Variants in LCLAT1 observed in about 807,000 individuals in gnomAD.
LCLAT1 encodes 1-AGP acyltransferase 8.
Under a neutral mutation model 30.7 loss-of-function variants are expected in LCLAT1, and 11 were observed. The ratio of observed to expected loss-of-function variants is 0.36; its 90% confidence interval spans 0.23 to 0.59. The LOEUF (loss-of-function observed/expected upper bound fraction) is 0.59. Ranked by LOEUF, LCLAT1 falls within the 20% of genes least tolerant of loss-of-function variation. The probability of loss-of-function intolerance (pLI) is 0.77; values close to 1 mark genes in which losing one functional copy is unlikely to be tolerated. For synonymous variants in LCLAT1, 155 were observed against 151.3 expected, an observed-to-expected ratio of 1.02 and a Z score of -0.18; for missense variants, 402 against 458.6, an observed-to-expected ratio of 0.88 and a Z score of 1.13.
chr2:30,479,692 CTG>C (rs528733064), intron 1 of LCLAT1, among the ~76,000 whole-genome samples: 165 of 152,298 alleles, frequency 1.1e-3, no homozygotes, highest in African/African-American at 3.8e-3. Flanking sequence ...AGGCAATACT[CTG>C]TCTCGATCTG....
At chr2:30,530,989 G>A (rs1685954130) in intron 2 of LCLAT1, among the ~76,000 whole-genome samples, 1 of 152,168 alleles carries the variant, frequency 6.6e-6, no homozygotes, top group African/African-American at 2.4e-5. Context: ...CTCTTGGCCG[G>A]GCACGGTGGC....
chr2:30,466,710 C>G (rs1350480580), intron 1 of LCLAT1, among the ~76,000 whole-genome samples: 1 of 116,340 alleles, frequency 8.6e-6, no homozygotes, highest in Non-Finnish European at 1.9e-5. Context: ...CTACTTAACA[C>G]TGGGTATAGG....
intron 5 of LCLAT1, among the ~76,000 whole-genome samples, chr2:30,639,384 TTA>T (rs1669193085): frequency 3.3e-4 from 1 of 3,072 alleles, no homozygotes; most frequent in South Asian, 3.4e-3. Flanking sequence ...TCTGGCCTGT[TTA>T]AGTGAAAACA....
rs1429374108 is a variant in LCLAT1 at position 30,515,682 on chromosome 2, CT to C, written c.-4-9901del. On this transcript the variant is annotated intron_variant, in intron 1 of 5. Transcript: ENST00000379509. Reference sequence around the variant, plus strand: ...ATTTGTCAATAAAATGTTATATGCCCTTTTAAAACTGCACTTAGTTTTCAAA... The same window carrying C: ...ATTTGTCAATAAAATGTTATATGCCCTTTAAAACTGCACTTAGTTTTCAAA... Among the ~76,000 whole-genome samples the C allele has an allele frequency of 7.2e-5, 11 of 152,284 alleles. No homozygotes were observed. In the East Asian group the frequency reaches 2.1e-3, roughly 29 times the overall value.
chr2:30,589,784 AGTGGTGAACTTTTACCTACTAATCT>A (rs963364577), intron 5 of LCLAT1, among the ~76,000 whole-genome samples: 8 of 152,258 alleles, frequency 5.3e-5, no homozygotes, highest in African/African-American at 1.9e-4. Context: ...TCCAATTATG[AGTGGTGAACTTTTACCTACTAATCT>A]TTTAGTTCGT....
chr2:30,537,208 C>T (rs1200009695), intron 3 of LCLAT1, among the ~76,000 whole-genome samples: 2 of 151,968 alleles, frequency 1.3e-5, no homozygotes, highest in East Asian at 3.9e-4. Flanking sequence ...GGTGAAACCC[C>T]GTCTCTACTA....
chr2:30,553,808 C>T (rs1404492187), intron 3 of LCLAT1, among the ~76,000 whole-genome samples: 8 of 151,118 alleles, frequency 5.3e-5, no homozygotes, highest in Non-Finnish European at 7.4e-5. Flanking sequence ...GGCGACAGAG[C>T]GAGACTCCGT....
intron 2 of LCLAT1, 64 bp downstream of exon 2, chr2:30,525,819 C>T (rs2148384701): frequency 7.1e-7 from 1 of 1,406,722 alleles, no homozygotes; most frequent in South Asian, 1.2e-5. Flanking sequence ...CTGATAGATA[C>T]CTAAATCCAT....
intron 1 of LCLAT1, among the ~76,000 whole-genome samples, chr2:30,493,781 A>G (rs1425517288): frequency 2.0e-5 from 3 of 152,212 alleles, no homozygotes; most frequent in Admixed American, 1.3e-4. Flanking sequence ...TATGATACCA[A>G]TATAAAGATA....
At chr2:30,578,928 T>A (rs1666103279) in intron 5 of LCLAT1, among the ~76,000 whole-genome samples, 1 of 152,206 alleles carries the variant, frequency 6.6e-6, no homozygotes, top group African/African-American at 2.4e-5. Context: ...AATTTACCAA[T>A]TAATTTTAGT....
chr2:30,594,043 T>C (rs1383036338), intron 5 of LCLAT1, among the ~76,000 whole-genome samples: 1 of 152,156 alleles, frequency 6.6e-6, no homozygotes, highest in African/African-American at 2.4e-5. Context: ...GTAATATAGG[T>C]TTTATGTTTT....
At chr2:30,574,995 C>T (rs1665933452) in intron 5 of LCLAT1, among the ~76,000 whole-genome samples, 1 of 152,132 alleles carries the variant, frequency 6.6e-6, no homozygotes, top group African/African-American at 2.4e-5. Context: ...AGCTCAGGTC[C>T]TAGTCTGTGT....
chr2:30,599,222 T>C lies in LCLAT1; in HGVS notation c.628+31046T>C, dbSNP rs11887331. On this transcript the variant is annotated intron_variant, in intron 5 of 5. Transcript: ENST00000379509. ...GTCTCAAACTCCTGACCTCAAGTGA[T>C]CCGCCCACCTCAGCCTCCTAAAGTG... is the stretch of plus-strand genomic sequence containing the variant. Among the ~76,000 whole-genome samples the C allele has an allele frequency of 9.0e-3, 1,366 of 152,276 alleles. 6 individuals are homozygous for C. Among genetic ancestry groups the C allele is most frequent in the Middle Eastern group, 0.051 (15 of 294 alleles).
chr2:30,553,775 A>ACTGCAGT (rs1459941378), intron 3 of LCLAT1, among the ~76,000 whole-genome samples: 1 of 152,088 alleles, frequency 6.6e-6, no homozygotes, highest in African/African-American at 2.4e-5. Context: ...AGATTGCGCC[A>ACTGCAGT]CTGCAGTCCG....
chr2:30,627,594 TTAAC>T (rs1167910898), intron 5 of LCLAT1, among the ~76,000 whole-genome samples: 2 of 152,240 alleles, frequency 1.3e-5, no homozygotes, highest in Admixed American at 1.3e-4. Flanking sequence ...GTTCCTTTAT[TTAAC>T]TAGTTTTTAT....
chr2:30,541,758 A>G (rs1009796434), intron 3 of LCLAT1, among the ~76,000 whole-genome samples: 6 of 152,194 alleles, frequency 3.9e-5, no homozygotes, highest in African/African-American at 9.7e-5. Context: ...TTTGCACCCA[A>G]ACCCCTGGAT....
intron 5 of LCLAT1, among the ~76,000 whole-genome samples, chr2:30,579,838 G>T (rs976876017): frequency 1.3e-5 from 2 of 152,110 alleles, no homozygotes; most frequent in Non-Finnish European, 2.9e-5. Flanking sequence ...TGAGTACATT[G>T]TTCCCTTCTT....
chr2:30,520,556 G>T (rs377422480), intron 1 of LCLAT1, among the ~76,000 whole-genome samples: 1 of 152,064 alleles, frequency 6.6e-6, no homozygotes, highest in African/African-American at 2.4e-5. Flanking sequence ...TTAACCCCTT[G>T]CTGCCTCAGT....
At chr2:30,538,691 AT>A in intron 3 of LCLAT1, among the ~76,000 whole-genome samples, 1 of 151,816 alleles carries the variant, frequency 6.6e-6, no homozygotes, top group South Asian at 2.1e-4. Context: ...TAGAAATGTA[AT>A]ATGAGATATT....
Sources: allele counts gnomAD v4.1 joint callset (sites outside exome capture counted in the v4.1 genomes callset), GRCh38; gene constraint gnomAD v4.1.1; transcripts MANE v1.5; gene names NCBI Gene and HGNC (gene_info 2026-07-23, HGNC 2026-07-21).